PPP1R13B: variants seen among roughly 807,000 people sequenced by gnomAD.
PPP1R13B encodes protein phosphatase 1 regulatory subunit 13B.
In PPP1R13B, 44 loss-of-function variants were observed where a neutral mutation model predicts 119.8. That is an observed-to-expected ratio of 0.37 (90% CI 0.29 to 0.47). PPP1R13B has a LOEUF of 0.47. Among genes scored for constraint, PPP1R13B ranks in the 20% least tolerant of loss-of-function variants. The pLI, the probability that PPP1R13B is intolerant of heterozygous loss-of-function variation, is 0.99. For synonymous variants in PPP1R13B, 542 were observed against 561.5 expected (o/e 0.97, Z 0.49); for missense variants, 1,227 against 1,413.5 (o/e 0.87, Z 2.12).
At chr14:103,838,754 G>A (rs561477631) in intron 1 of PPP1R13B, among the ~76,000 whole-genome samples, 6 of 152,246 alleles carry the variant, frequency 3.9e-5, no homozygotes, top group Admixed American at 2.0e-4. Context: ...AACTTTCACC[G>A]TACTAATGCA....
intron 7 of PPP1R13B, among the ~76,000 whole-genome samples, chr14:103,750,882 G>A (rs11160758): frequency 0.45 from 67,729 of 151,680 alleles, 15,611 homozygotes; most frequent in African/African-American, 0.56. Flanking sequence ...CAGGCTGGGC[G>A]CAGTGGCTCA....
chr14:103,752,785 G>T (rs1027725145), intron 7 of PPP1R13B, among the ~76,000 whole-genome samples: 1 of 151,964 alleles, frequency 6.6e-6, no homozygotes, highest in African/African-American at 2.4e-5. Context: ...TGCCCGCCTC[G>T]GCTTCCCAAA....
chr14:103,734,829 C>T lies in PPP1R13B; in HGVS notation c.*325G>A. 1 of 470,946 alleles carries T rather than the reference C, an allele frequency of 2.1e-6. No homozygotes were observed. Among genetic ancestry groups the T allele is most frequent in the Non-Finnish European group, 4.1e-6 (1 of 243,370 alleles). 29.2% of individuals were successfully genotyped at this position (470,946 alleles called of 1,614,324 possible). On this transcript the variant is annotated 3_prime_UTR_variant, in exon 17 of 17. Transcript: ENST00000202556. The stretch of plus-strand genomic sequence containing the variant: ...GGCCTCGGGGCCAAGTCAGTAAGAG[C>T]TTCTGTCTTCACTGGCAACCAACCG...
chr14:103,780,484 T>C (rs185201588), intron 3 of PPP1R13B, among the ~76,000 whole-genome samples: 1 of 30,698 alleles, frequency 3.3e-5, no homozygotes, highest in East Asian at 1.1e-3. Context: ...AAACCCTGTC[T>C]CAAAAAAAAA....
chr14:103,836,047 C>CA (rs2086769466), intron 1 of PPP1R13B, among the ~76,000 whole-genome samples: 1 of 133,594 alleles, frequency 7.5e-6, no homozygotes, highest in African/African-American at 2.7e-5. Flanking sequence ...GGCCTACTGA[C>CA]TTTTTTTTTT....
intron 1 of PPP1R13B, among the ~76,000 whole-genome samples, chr14:103,814,556 G>A (rs1243526078): frequency 1.3e-5 from 2 of 152,058 alleles, no homozygotes; most frequent in African/African-American, 2.4e-5. Flanking sequence ...ATAATCCCAA[G>A]ACTTTAGGAG....
At chr14:103,804,069 A>AGT (rs997453652) in intron 1 of PPP1R13B, 3 of 984,732 alleles carry the variant, frequency 3.0e-6, no homozygotes, top group Non-Finnish European at 3.6e-6. Context: ...AAATCATCTA[A>AGT]GTGTGTCTTA....
At chr14:103,839,065 C>T (rs547535377) in intron 1 of PPP1R13B, among the ~76,000 whole-genome samples, 88 of 152,136 alleles carry the variant, frequency 5.8e-4, no homozygotes, top group Non-Finnish European at 1.2e-3. Flanking sequence ...GGTGCAATCT[C>T]GGCTCACCGC....
chr14:103,820,102 G>C (rs576966215), intron 1 of PPP1R13B, among the ~76,000 whole-genome samples: 1 of 152,268 alleles, frequency 6.6e-6, no homozygotes, highest in East Asian at 1.9e-4. Flanking sequence ...GGAGGGGCAG[G>C]GGAAAAAGGC....
intron 1 of PPP1R13B, among the ~76,000 whole-genome samples, chr14:103,830,207 T>C (rs1391531764): frequency 6.6e-6 from 1 of 152,062 alleles, no homozygotes; most frequent in Non-Finnish European, 1.5e-5. Flanking sequence ...CTGATTCTCT[T>C]GCCTTAGCCT....
chr14:103,799,183 T>G (rs1306196449), intron 1 of PPP1R13B, among the ~76,000 whole-genome samples: 3 of 151,656 alleles, frequency 2.0e-5, no homozygotes, highest in African/African-American at 7.3e-5. Context: ...TTTATTTTAT[T>G]TATTTATTTT....
At chr14:103,808,885 T>C (rs1222626445) in intron 1 of PPP1R13B, among the ~76,000 whole-genome samples, 2 of 152,150 alleles carry the variant, frequency 1.3e-5, no homozygotes, top group Non-Finnish European at 2.9e-5. Flanking sequence ...TTCTTTTTTT[T>C]AGAGACAGGA....
At chr14:103,791,700 G>A (rs13379275) in intron 2 of PPP1R13B, among the ~76,000 whole-genome samples, 7,847 of 152,152 alleles carry the variant, frequency 0.052, 496 homozygotes, top group African/African-American at 0.15. Flanking sequence ...CTCCAGCCTG[G>A]GACAGAGCAA....
intron 1 of PPP1R13B, among the ~76,000 whole-genome samples, chr14:103,829,550 C>A (rs77504317): frequency 5.8e-4 from 88 of 152,248 alleles, no homozygotes; most frequent in African/African-American, 2.0e-3. Flanking sequence ...GAGTGAGCCA[C>A]CCATATCCAG....
At chr14:103,775,278 A>ATT (rs397967804) in intron 4 of PPP1R13B, among the ~76,000 whole-genome samples, 49 of 145,888 alleles carry the variant, frequency 3.4e-4, no homozygotes, top group African/African-American at 6.3e-4. Flanking sequence ...TATTATTATT[A>ATT]TTTTTTTTTT....
At chr14:103,844,911 G>A (rs1044300852) in intron 1 of PPP1R13B, among the ~76,000 whole-genome samples, 5 of 152,018 alleles carry the variant, frequency 3.3e-5, no homozygotes, top group Non-Finnish European at 7.4e-5. Context: ...AACTGTCACC[G>A]GATTCACACC....
At position 103,738,046 on chromosome 14, in the gene PPP1R13B, A is replaced by G. The variant is rs1202769006; in HGVS notation, c.2865-186T>C. Reference sequence around the variant, plus strand: ...TGTTTCAGACCATACATACATTTTGAAAAGGGGGCACAGGGAATGGGTTAA... The same window carrying G: ...TGTTTCAGACCATACATACATTTTGGAAAGGGGGCACAGGGAATGGGTTAA... On this transcript the variant is annotated intron_variant, in intron 14 of 16. Coordinates refer to ENST00000202556, the MANE Select transcript of PPP1R13B (RefSeq NM_015316.3). The surrounding 1 kb of genome is among the most constrained non-coding windows in gnomAD (Gnocchi z 5.6). Among the ~76,000 whole-genome samples, 1 of 152,246 alleles carries G rather than the reference A, an allele frequency of 6.6e-6. No homozygotes were observed. Among genetic ancestry groups the G allele is most frequent in the Non-Finnish European group, 1.5e-5 (1 of 68,046 alleles).
At chr14:103,779,422 A>C (rs1401161419) in intron 3 of PPP1R13B, among the ~76,000 whole-genome samples, 2 of 152,172 alleles carry the variant, frequency 1.3e-5, no homozygotes, top group African/African-American at 2.4e-5. Context: ...AACACTTAAA[A>C]ATGGAGAAGA....
chr14:103,779,685 C>T lies in PPP1R13B; in HGVS notation c.278-864G>A, dbSNP rs146287458. ...ATGTGCCTGTAGTCCCAGCCACTCACGAGGCTGAGGAGAATAGCTTGAGCC... is the reference window on the plus strand; with the variant it reads ...ATGTGCCTGTAGTCCCAGCCACTCATGAGGCTGAGGAGAATAGCTTGAGCC... On this transcript the variant is annotated intron_variant, in intron 3 of 16. Coordinates refer to ENST00000202556, the MANE Select transcript of PPP1R13B (RefSeq NM_015316.3). Among the ~76,000 whole-genome samples the T allele has an allele frequency of 4.2e-3, 641 of 151,652 alleles. 5 individuals are homozygous for T. The highest frequency in any genetic ancestry group is 0.015 in the African/African-American group (607 of 41,398).
Sources: allele counts gnomAD v4.1 joint callset (sites outside exome capture counted in the v4.1 genomes callset), GRCh38; gene constraint gnomAD v4.1.1; non-coding constraint Gnocchi (gnomAD v3.1); transcripts MANE v1.5; gene names NCBI Gene and HGNC (gene_info 2026-07-23, HGNC 2026-07-21).